Variants in GPHN observed in about 807,000 individuals in gnomAD.
GPHN encodes gephyrin.
In GPHN, 17 loss-of-function variants were observed where a neutral mutation model predicts 95.5. The observed-to-expected ratio is 0.18, with a 90% CI of 0.12 to 0.27. GPHN has a LOEUF of 0.27. Ranked by LOEUF, GPHN falls within the 10% of genes least tolerant of loss-of-function variation. The pLI is 1.00. For missense variants in GPHN, 660 were observed against 978.1 expected, an observed-to-expected ratio of 0.67 and a Z score of 4.34; for synonymous variants, 320 against 322.5, an observed-to-expected ratio of 0.99 and a Z score of 0.08.
chr14:67,666,553 G>C, the GPHN span, among the ~76,000 whole-genome samples: 3 of 152,234 alleles, frequency 2.0e-5, no homozygotes, highest in Non-Finnish European at 4.4e-5. Context: ...TAAAGCCAGG[G>C]AGGCAGATAA....
At chr14:67,432,683 A>T in the GPHN span, among the ~76,000 whole-genome samples, 7 of 152,220 alleles carry the variant, frequency 4.6e-5, no homozygotes, top group Non-Finnish European at 8.8e-5. Context: ...TCTCATGTTC[A>T]GGAGGACAGA....
the GPHN span, chr14:67,580,802 G>C: frequency 3.3e-6 from 2 of 609,518 alleles, no homozygotes; most frequent in Non-Finnish European, 5.9e-6. Flanking sequence ...ATGAAGCTCC[G>C]CAGGTCAGCC....
chr14:66,717,252 C>T (rs2070270094), intron 2 of GPHN, among the ~76,000 whole-genome samples: 4 of 152,080 alleles, frequency 2.6e-5, no homozygotes, highest in Non-Finnish European at 4.4e-5. Context: ...TGTCTTCGAG[C>T]CCTGAATTTC....
chr14:67,102,044 T>C (rs1003294193), intron 13 of GPHN, among the ~76,000 whole-genome samples: 1 of 151,766 alleles, frequency 6.6e-6, no homozygotes, highest in Non-Finnish European at 1.5e-5. Context: ...CCTAATTTTT[T>C]TGTATTTTTA....
At chr14:67,003,074 A>G (rs10150424) in intron 9 of GPHN, among the ~76,000 whole-genome samples, 39,710 of 151,374 alleles carry the variant, frequency 0.26, 8,821 homozygotes, top group African/African-American at 0.57. Flanking sequence ...CCAGGTGACT[A>G]TCTTCTCCAG....
At chr14:67,498,002 T>C in the GPHN span, among the ~76,000 whole-genome samples, 4 of 152,088 alleles carry the variant, frequency 2.6e-5, no homozygotes, top group Non-Finnish European at 4.4e-5. Context: ...TTCTCCCCAC[T>C]ACCCGTCAAC....
chr14:67,199,168 C>T, the GPHN span: 6 of 1,600,006 alleles, frequency 3.7e-6, no homozygotes, highest in African/African-American at 1.3e-5. Flanking sequence ...TTTCTCCAGG[C>T]TGGACCAGTA....
chr14:67,232,450 G>A, the GPHN span, among the ~76,000 whole-genome samples: 4 of 152,292 alleles, frequency 2.6e-5, no homozygotes, highest in East Asian at 7.7e-4. Flanking sequence ...GTCCAGAGCT[G>A]ACATCCTGCT....
chr14:67,049,909 T>A (rs774659104), intron 10 of GPHN, among the ~76,000 whole-genome samples: 1 of 152,184 alleles, frequency 6.6e-6, no homozygotes, highest in Non-Finnish European at 1.5e-5. Context: ...AGGTGCTTAA[T>A]TGATATTGAA....
At chr14:67,124,030 A>G (rs965826990) in intron 17 of GPHN, among the ~76,000 whole-genome samples, 1 of 151,978 alleles carries the variant, frequency 6.6e-6, no homozygotes, top group African/African-American at 2.4e-5. Flanking sequence ...TTCTCTGAGG[A>G]CACTGGAGTG....
At chr14:67,463,855 G>A in the GPHN span, among the ~76,000 whole-genome samples, 6 of 152,044 alleles carry the variant, frequency 3.9e-5, no homozygotes, top group African/African-American at 1.4e-4. Flanking sequence ...GACAGTAAGC[G>A]GTAGAGACAG....
At chr14:67,573,260 C>T in the GPHN span, 1 of 1,534,316 alleles carries the variant, frequency 6.5e-7, no homozygotes, top group East Asian at 2.2e-5. This position sits in a 1 kb window ranked among gnomAD's most constrained non-coding sequence, Gnocchi z 4.8. Context: ...TTCATCTACA[C>T]CCTTCCACCC....
intron 1 of GPHN, among the ~76,000 whole-genome samples, chr14:66,587,782 C>G (rs1405822983): frequency 6.6e-6 from 1 of 152,176 alleles, no homozygotes; most frequent in Non-Finnish European, 1.5e-5. Flanking sequence ...GACAGAGCAC[C>G]TGGGGGAATG....
chr14:66,818,720 C>T (rs1033958272), intron 3 of GPHN, among the ~76,000 whole-genome samples: 3 of 152,200 alleles, frequency 2.0e-5, no homozygotes, highest in Non-Finnish European at 4.4e-5. Flanking sequence ...CTCCCACCAA[C>T]AGTGTAAAAG....
At chr14:67,035,121 A>G (rs556641449) in intron 10 of GPHN, among the ~76,000 whole-genome samples, 17 of 152,100 alleles carry the variant, frequency 1.1e-4, no homozygotes, top group Admixed American at 8.5e-4. Context: ...ATACACAAAT[A>G]TGTGAAAATT....
chr14:67,236,094 T>G, the GPHN span, among the ~76,000 whole-genome samples: 1 of 152,216 alleles, frequency 6.6e-6, no homozygotes, highest in South Asian at 2.1e-4. Context: ...TGAGAACATT[T>G]AAAATCTAGT....
intron 13 of GPHN, 116 bp from the exon 14 acceptor site, chr14:67,110,024 C>T (rs1427450047): frequency 2.2e-6 from 2 of 896,104 alleles, no homozygotes; most frequent in Non-Finnish European, 1.8e-6. Flanking sequence ...ATGAATAAGA[C>T]TGTAAGACTT....
chr14:67,461,459 G>A, the GPHN span, among the ~76,000 whole-genome samples: 1 of 152,196 alleles, frequency 6.6e-6, no homozygotes, highest in Non-Finnish European at 1.5e-5. Flanking sequence ...GGCTGAGAAA[G>A]AGGGTGGTTG....
At chr14:67,573,369 A>G in the GPHN span, 3 of 1,606,442 alleles carry the variant, frequency 1.9e-6, no homozygotes, top group South Asian at 3.3e-5. The surrounding 1 kb of genome is among the most constrained non-coding windows in gnomAD (Gnocchi z 4.8). Flanking sequence ...GGGACAGATT[A>G]TGTACTACAA....
Sources: gnomAD v4.1 joint callset for allele counts (sites outside exome capture counted in the v4.1 genomes callset) on GRCh38, gnomAD v4.1.1 for gene constraint, Gnocchi (gnomAD v3.1) non-coding constraint, MANE v1.5 for transcripts, NCBI Gene and HGNC (gene_info 2026-07-23, HGNC 2026-07-21) for gene names.